Variants in CADM2 observed in about 807,000 individuals in gnomAD.
CADM2 encodes immunoglobulin superfamily member 4D.
A neutral mutation model predicts 49.8 loss-of-function variants in CADM2; 12 were observed. The observed-to-expected ratio is 0.24, with a 90% confidence interval of 0.15 to 0.39. The LOEUF (loss-of-function observed/expected upper bound fraction) is 0.39, where lower values mean the gene tolerates loss of function less well. Ranked by LOEUF, CADM2 falls within the 10% of genes least tolerant of loss-of-function variation. The pLI is 1.00. For missense variants in CADM2, 378 were observed against 492.3 expected (o/e 0.77, Z 2.20); for synonymous variants, 214 against 175.4 (o/e 1.22, Z -1.74).
intron 1 of CADM2, among the ~76,000 whole-genome samples, chr3:85,550,316 AG>A: frequency 6.6e-6 from 1 of 152,300 alleles, no homozygotes; most frequent in East Asian, 1.9e-4. Flanking sequence ...AATTTGCTCA[AG>A]TATTTGATAT....
chr3:85,585,799 G>A (rs527592339), intron 1 of CADM2, among the ~76,000 whole-genome samples: 3 of 152,060 alleles, frequency 2.0e-5, no homozygotes, highest in African/African-American at 7.2e-5. Context: ...ACCATGTTAC[G>A]TAAGTTGTTT....
At chr3:85,754,727 A>G (rs1333443416) in intron 2 of CADM2, among the ~76,000 whole-genome samples, 1 of 152,232 alleles carries the variant, frequency 6.6e-6, no homozygotes, top group Non-Finnish European at 1.5e-5. Context: ...AAAAGCCATT[A>G]CTGATTATTT....
intron 1 of CADM2, among the ~76,000 whole-genome samples, chr3:85,117,083 TG>T (rs2038665444): frequency 6.6e-6 from 1 of 151,998 alleles, no homozygotes; most frequent in African/African-American, 2.4e-5. Context: ...TAGCCAGGTA[TG>T]GTGGCACACG....
intron 3 of CADM2, among the ~76,000 whole-genome samples, chr3:85,843,884 G>A (rs558584330): frequency 6.6e-6 from 1 of 150,470 alleles, no homozygotes; most frequent in African/African-American, 2.5e-5. Context: ...TTTCATGTGA[G>A]TGTATGTGTG....
intron 8 of CADM2, among the ~76,000 whole-genome samples, chr3:85,966,819 T>C (rs1439060669): frequency 1.3e-5 from 2 of 151,736 alleles, no homozygotes; most frequent in African/African-American, 4.8e-5. Context: ...GGAAATATGA[T>C]ACTGCTTTTT....
At chr3:85,487,583 G>A (rs1467070910) in intron 1 of CADM2, among the ~76,000 whole-genome samples, 27 of 150,848 alleles carry the variant, frequency 1.8e-4, no homozygotes, top group Admixed American at 1.8e-3. Context: ...GGAGGAAGTG[G>A]AGGAGGAGAA....
At chr3:85,468,085 C>T (rs2038588654) in intron 1 of CADM2, among the ~76,000 whole-genome samples, 1 of 124,520 alleles carries the variant, frequency 8.0e-6, no homozygotes, top group Admixed American at 1.1e-4. Flanking sequence ...ACCCGGGAGG[C>T]GGAGCTTGCA....
intron 8 of CADM2, among the ~76,000 whole-genome samples, chr3:86,054,613 A>C (rs2107346156): frequency 6.6e-6 from 1 of 152,124 alleles, no homozygotes; most frequent in African/African-American, 2.4e-5. Flanking sequence ...ATTGGCAAAT[A>C]TTTATTCTTT....
At chr3:85,047,263 T>TCA (rs1165899930) in intron 1 of CADM2, among the ~76,000 whole-genome samples, 18 of 152,252 alleles carry the variant, frequency 1.2e-4, no homozygotes, top group African/African-American at 4.1e-4. Flanking sequence ...CTGGTCACTC[T>TCA]CACACCACAT....
intron 1 of CADM2, among the ~76,000 whole-genome samples, chr3:85,638,264 A>G (rs1427706334): frequency 1.3e-5 from 2 of 152,198 alleles, no homozygotes; most frequent in Non-Finnish European, 2.9e-5. Flanking sequence ...ATTTCAAAGT[A>G]CTTTGAAAGA....
intron 1 of CADM2, among the ~76,000 whole-genome samples, chr3:85,585,094 C>T (rs561811714): frequency 3.3e-5 from 5 of 152,046 alleles, no homozygotes; most frequent in East Asian, 3.9e-4. Context: ...TTCTGAGCAG[C>T]GTAATGGAAT....
chr3:85,243,614 A>C (rs1225889354), intron 1 of CADM2, among the ~76,000 whole-genome samples: 2 of 152,060 alleles, frequency 1.3e-5, no homozygotes, highest in Non-Finnish European at 2.9e-5. Context: ...AAAGAGGCAG[A>C]GTGCTCATTA....
At chr3:84,981,130 C>A in intron 1 of CADM2, among the ~76,000 whole-genome samples, 2 of 113,124 alleles carry the variant, frequency 1.8e-5, no homozygotes, top group Non-Finnish European at 1.7e-5. Context: ...CTCCCCCCTC[C>A]CCCCACCCCA....
chr3:85,900,287 T>C (rs929837859), intron 5 of CADM2, among the ~76,000 whole-genome samples: 4 of 152,192 alleles, frequency 2.6e-5, no homozygotes, highest in Non-Finnish European at 5.9e-5. Flanking sequence ...TTTATTTCAA[T>C]GGTAGTGTGT....
intron 5 of CADM2, among the ~76,000 whole-genome samples, chr3:85,908,780 A>G (rs959990705): frequency 2.7e-5 from 4 of 150,694 alleles, no homozygotes; most frequent in Non-Finnish European, 4.4e-5. Context: ...GCTGGAGTGC[A>G]GGGGCGTGGT....
At chr3:84,986,823 G>A (rs971728591) in intron 1 of CADM2, among the ~76,000 whole-genome samples, 5 of 151,608 alleles carry the variant, frequency 3.3e-5, no homozygotes, top group South Asian at 2.1e-4. Context: ...AGCTTGAGGC[G>A]GGTGGATCAC....
intron 5 of CADM2, among the ~76,000 whole-genome samples, chr3:85,905,905 A>C (rs999506185): frequency 6.6e-6 from 1 of 152,166 alleles, no homozygotes; most frequent in African/African-American, 2.4e-5. Flanking sequence ...TGTTTTACTG[A>C]TGCAAGTGAT....
chr3:85,431,155 G>A (rs540152291), intron 1 of CADM2, among the ~76,000 whole-genome samples: 12 of 151,924 alleles, frequency 7.9e-5, no homozygotes, highest in Non-Finnish European at 1.5e-4. Flanking sequence ...AACATATTTC[G>A]CAGGTTTGTA....
chr3:85,568,628 A>C (rs2062388173), intron 1 of CADM2, among the ~76,000 whole-genome samples: 2 of 36,470 alleles, frequency 5.5e-5, no homozygotes, highest in African/African-American at 9.6e-5. Context: ...TTTTTTTTTT[A>C]CAGTCTGTCT....
Sources: gnomAD v4.1 joint callset for allele counts (sites outside exome capture counted in the v4.1 genomes callset) on GRCh38, gnomAD v4.1.1 for gene constraint, MANE v1.5 for transcripts, NCBI Gene and HGNC (gene_info 2026-07-23, HGNC 2026-07-21) for gene names.